Variants in DPP10 observed in about 807,000 individuals in gnomAD.
DPP10 encodes inactive dipeptidyl peptidase 10.
DPP10 carries 33 observed loss-of-function variants against 120.9 expected under a neutral mutation model. That is an observed-to-expected ratio of 0.27 (90% CI 0.21 to 0.37). The LOEUF is 0.37. DPP10 is among the 10% of genes least tolerant of loss of function. DPP10 has a pLI of 1.00. For synonymous variants in DPP10, 337 were observed against 326.1 expected (o/e 1.03, Z -0.36); for missense variants, 816 against 942.8 (o/e 0.87, Z 1.76).
chr2:114,901,487 C>T (rs1179903282), intron 1 of DPP10, among the ~76,000 whole-genome samples: 4 of 152,136 alleles, frequency 2.6e-5, no homozygotes, highest in Admixed American at 1.3e-4. Flanking sequence ...TGAGCCACCG[C>T]GCCCGGCCAC....
chr2:114,783,991 G>A (rs1269753664), intron 1 of DPP10, among the ~76,000 whole-genome samples: 1 of 152,154 alleles, frequency 6.6e-6, no homozygotes, highest in African/African-American at 2.4e-5. Flanking sequence ...CTGTAAGGCT[G>A]TGGCAAGTAA....
intron 5 of DPP10, among the ~76,000 whole-genome samples, chr2:115,675,162 C>A (rs2090161533): frequency 6.6e-6 from 1 of 152,098 alleles, no homozygotes; most frequent in Non-Finnish European, 1.5e-5. Context: ...CTGAGGCAAA[C>A]AAAGTTAAGT....
chr2:114,836,390 A>G (rs1687738405), intron 1 of DPP10, among the ~76,000 whole-genome samples: 1 of 152,188 alleles, frequency 6.6e-6, no homozygotes, highest in Non-Finnish European at 1.5e-5. Flanking sequence ...AGAAATTTTA[A>G]AGCTGGGCTT....
chr2:115,468,351 G>A (rs1386324688), intron 3 of DPP10: 1 of 512,226 alleles, frequency 2.0e-6, no homozygotes, highest in Admixed American at 2.0e-5. Context: ...TCCAATTGCT[G>A]GCTGCTTCAC....
intron 1 of DPP10, among the ~76,000 whole-genome samples, chr2:115,248,394 AT>A (rs559719381): frequency 1.5e-3 from 230 of 151,964 alleles, no homozygotes; most frequent in Middle Eastern, 6.8e-3. Context: ...TCTTTAGAAG[AT>A]ATTTCTTTCT....
chr2:114,593,817 C>T (rs951814170), intron 1 of DPP10, among the ~76,000 whole-genome samples: 2 of 152,044 alleles, frequency 1.3e-5, no homozygotes, highest in Non-Finnish European at 2.9e-5. Flanking sequence ...CCTCTCCAAG[C>T]TCCCTTCCTT....
At chr2:114,881,457 G>GTCTATCTACCTATCTA in intron 1 of DPP10, among the ~76,000 whole-genome samples, 1 of 144,336 alleles carries the variant, frequency 6.9e-6, no homozygotes, top group African/African-American at 2.6e-5. Context: ...CTGTCTGTCT[G>GTCTATCTACCTATCTA]TCTATCTATC....
chr2:114,779,291 G>T (rs948752351), intron 1 of DPP10, among the ~76,000 whole-genome samples: 3 of 152,030 alleles, frequency 2.0e-5, no homozygotes, highest in African/African-American at 7.2e-5. Flanking sequence ...GAAAAAACAG[G>T]CAACCAGACT....
At chr2:115,756,776 A>C (rs1355601388) in intron 11 of DPP10, among the ~76,000 whole-genome samples, 1 of 152,076 alleles carries the variant, frequency 6.6e-6, no homozygotes, top group Non-Finnish European at 1.5e-5. Flanking sequence ...ACAGAAACTT[A>C]TTGACTCACA....
At position 114,938,709 on chromosome 2, in the gene DPP10, T is replaced by G. The variant is rs550447029; in HGVS notation, c.61-370530T>G. Among the ~76,000 whole-genome samples, 10 of 149,388 alleles carry G rather than the reference T, an allele frequency of 6.7e-5. No individual in the cohort carries two copies. In the Admixed American group the frequency reaches 6.9e-4, roughly 10 times the overall value. On this transcript the variant is annotated intron_variant, in intron 1 of 25. Coordinates refer to ENST00000410059, the MANE Select transcript of DPP10 (RefSeq NM_020868.6). Reference sequence around the variant, plus strand: ...TTGTCTAATTCTTCCTTTTGCAAATTGCCCATTTACACTTTGTCCCTTTTT... The same window carrying G: ...TTGTCTAATTCTTCCTTTTGCAAATGGCCCATTTACACTTTGTCCCTTTTT...
At chr2:114,709,508 A>C (rs1408823400) in intron 1 of DPP10, among the ~76,000 whole-genome samples, 1 of 152,210 alleles carries the variant, frequency 6.6e-6, no homozygotes, top group African/African-American at 2.4e-5. Context: ...TTAAGGTAGA[A>C]GTAGATAGGT....
At chr2:115,183,603 G>C (rs2054228325) in intron 1 of DPP10, among the ~76,000 whole-genome samples, 1 of 152,168 alleles carries the variant, frequency 6.6e-6, no homozygotes, top group Non-Finnish European at 1.5e-5. Flanking sequence ...ATTTAGGAGA[G>C]GGTTCCATGG....
chr2:115,637,582 C>T (rs1304228551), intron 5 of DPP10, among the ~76,000 whole-genome samples: 2 of 152,068 alleles, frequency 1.3e-5, no homozygotes, highest in African/African-American at 4.8e-5. Context: ...GTTAGGAGAG[C>T]ATTTCCAAGA....
At chr2:114,633,214 C>T (rs1296135088) in intron 1 of DPP10, among the ~76,000 whole-genome samples, 1 of 142,196 alleles carries the variant, frequency 7.0e-6, no homozygotes, top group Non-Finnish European at 1.5e-5. Context: ...TTTGTTTTCT[C>T]CTAACTTTAT....
At chr2:114,668,442 AT>A (rs1346972168) in intron 1 of DPP10, among the ~76,000 whole-genome samples, 2 of 152,132 alleles carry the variant, frequency 1.3e-5, no homozygotes, top group Non-Finnish European at 2.9e-5. Context: ...GGGAGGAAGG[AT>A]TTTTGCCTTC....
chr2:114,828,241 C>T (rs1318468585), intron 1 of DPP10, among the ~76,000 whole-genome samples: 2 of 152,106 alleles, frequency 1.3e-5, no homozygotes, highest in Admixed American at 1.3e-4. Flanking sequence ...CCCGTCTCGT[C>T]TGATAATGGG....
intron 5 of DPP10, among the ~76,000 whole-genome samples, chr2:115,569,450 T>C (rs1163098007): frequency 6.6e-6 from 1 of 152,236 alleles, no homozygotes; most frequent in Non-Finnish European, 1.5e-5. Flanking sequence ...TGAAAATTAA[T>C]TTATATTTAA....
chr2:115,273,053 G>T (rs1278486769), intron 1 of DPP10, among the ~76,000 whole-genome samples: 2 of 151,794 alleles, frequency 1.3e-5, no homozygotes, highest in African/African-American at 2.4e-5. Context: ...TATGTGAGTT[G>T]TCCTTTTGGA....
chr2:115,316,626 T>C (rs2061806812), intron 2 of DPP10, among the ~76,000 whole-genome samples: 1 of 152,216 alleles, frequency 6.6e-6, no homozygotes, highest in South Asian at 2.1e-4. Context: ...ATACCCATGA[T>C]AAAATATAAG....
Sources: gnomAD v4.1 joint callset for allele counts (sites outside exome capture counted in the v4.1 genomes callset) on GRCh38, gnomAD v4.1.1 for gene constraint, MANE v1.5 for transcripts, NCBI Gene and HGNC (gene_info 2026-07-23, HGNC 2026-07-21) for gene names.